Variants in OSBPL9 observed in about 807,000 individuals in gnomAD.
The protein encoded by OSBPL9 is oxysterol-binding protein-related protein 9.
OSBPL9 carries 40 observed loss-of-function variants against 106.6 expected under a neutral mutation model. That is an observed-to-expected ratio of 0.38 (90% CI 0.29 to 0.49). The LOEUF is 0.49. OSBPL9 is among the 20% of genes least tolerant of loss of function. The probability of loss-of-function intolerance (pLI) is 0.97; values close to 1 mark genes in which losing one functional copy is unlikely to be tolerated. For missense variants in OSBPL9, 609 were observed against 887.2 expected (o/e 0.69, Z 3.98); for synonymous variants, 269 against 295.4 (o/e 0.91, Z 0.92).
intron 2 of OSBPL9, among the ~76,000 whole-genome samples, chr1:51,604,559 GA>G (rs1003965953): frequency 4.5e-4 from 66 of 147,822 alleles, no homozygotes; most frequent in African/African-American, 1.3e-3. Context: ...CTGTCTCAAA[GA>G]AAAAAAAAAT....
chr1:51,783,314 A>G (rs528011329), intron 17 of OSBPL9, among the ~76,000 whole-genome samples: 10 of 150,772 alleles, frequency 6.6e-5, no homozygotes, highest in African/African-American at 2.2e-4. Flanking sequence ...AGCTGGGACT[A>G]TGGACATGTG....
chr1:51,747,496 G>C (rs1311395336), intron 6 of OSBPL9, among the ~76,000 whole-genome samples: 1 of 148,144 alleles, frequency 6.8e-6, no homozygotes, highest in African/African-American at 2.5e-5. Context: ...ATTTCTGACA[G>C]CTACTTTGTA....
At chr1:51,525,389 A>G in the OSBPL9 span, among the ~76,000 whole-genome samples, 15 of 152,202 alleles carry the variant, frequency 9.9e-5, no homozygotes, top group African/African-American at 2.2e-4. Flanking sequence ...AAAAGTTAAT[A>G]TATCTCCCCC....
At chr1:51,681,087 A>C (rs1652447467) in intron 3 of OSBPL9, among the ~76,000 whole-genome samples, 1 of 152,158 alleles carries the variant, frequency 6.6e-6, no homozygotes, top group Non-Finnish European at 1.5e-5. Context: ...AGACTTATTC[A>C]TTAACGCTAT....
At chr1:51,570,891 G>A in the OSBPL9 span, among the ~76,000 whole-genome samples, 1 of 151,890 alleles carries the variant, frequency 6.6e-6, no homozygotes, top group African/African-American at 2.4e-5. Flanking sequence ...GCATAATCTC[G>A]GCTCACTGCA....
At chr1:51,555,704 A>G in the OSBPL9 span, among the ~76,000 whole-genome samples, 2 of 151,712 alleles carry the variant, frequency 1.3e-5, no homozygotes, top group African/African-American at 4.8e-5. Flanking sequence ...AGTATCTGAG[A>G]TTACAGGCAT....
At chr1:51,642,670 C>G (rs768296888) in intron 1 of OSBPL9, among the ~76,000 whole-genome samples, 5 of 152,182 alleles carry the variant, frequency 3.3e-5, no homozygotes, top group Non-Finnish European at 7.3e-5. Flanking sequence ...TAACTCCAAC[C>G]CTTTGGCATA....
chr1:51,788,156 A>ACG lies in OSBPL9; in HGVS notation c.*368_*369insGC, dbSNP rs151094369. 4.6e-5 allele frequency: 8 copies of ACG among 174,074 alleles called. No individual in the cohort carries two copies. Among genetic ancestry groups the ACG allele is most frequent in the African/African-American group, 2.2e-4 (7 of 32,096 alleles). The allele number at this position is 174,074 out of a possible 1,614,324, so 10.8% of individuals were successfully genotyped here. ...TTCTTAGTTCATATAATCTCGGGAT[A>ACG]CACACACACACACACATATATATAC... On this transcript the variant is annotated 3_prime_UTR_variant, in exon 24 of 24. Transcript: ENST00000428468.
intron 1 of OSBPL9, among the ~76,000 whole-genome samples, chr1:51,620,484 G>C (rs1333369410): frequency 6.6e-6 from 1 of 152,126 alleles, no homozygotes; most frequent in African/African-American, 2.4e-5. Context: ...TACATAGGTG[G>C]GCTACTTGAC....
intron 2 of OSBPL9, among the ~76,000 whole-genome samples, chr1:51,609,218 T>A (rs757264356): frequency 2.6e-5 from 4 of 152,140 alleles, no homozygotes; most frequent in Non-Finnish European, 5.9e-5. Flanking sequence ...TCTTTTTTCC[T>A]GGTTTCTCTT....
At chr1:51,721,945 T>C (rs1662207818) in intron 4 of OSBPL9, among the ~76,000 whole-genome samples, 1 of 152,260 alleles carries the variant, frequency 6.6e-6, no homozygotes, top group African/African-American at 2.4e-5. Context: ...GCATTTACTA[T>C]GTTTCATGCA....
At chr1:51,691,224 T>C (rs1654874193) in intron 3 of OSBPL9, among the ~76,000 whole-genome samples, 1 of 151,838 alleles carries the variant, frequency 6.6e-6, no homozygotes, top group South Asian at 2.1e-4. Flanking sequence ...TAGATTTATT[T>C]AAAAATTTTT....
chr1:51,724,849 C>A, intron 4 of OSBPL9: 1 of 266,434 alleles, frequency 3.8e-6, no homozygotes, highest in Admixed American at 3.7e-5. Context: ...CTTCCTTTAC[C>A]CTTCTGTGTT....
intron 1 of OSBPL9, among the ~76,000 whole-genome samples, chr1:51,646,486 C>T (rs1392503067): frequency 1.3e-5 from 2 of 152,206 alleles, no homozygotes; most frequent in East Asian, 3.9e-4. Flanking sequence ...TTGGTGAGCT[C>T]ATTTATTAGC....
At chr1:51,707,250 G>C (rs12069786) in intron 3 of OSBPL9, 47,810 of 280,644 alleles carry the variant, frequency 0.17, 5,051 homozygotes, top group Middle Eastern at 0.32. Context: ...GAGGGCAGTG[G>C]TGGCCCCATC....
intron 1 of OSBPL9, among the ~76,000 whole-genome samples, chr1:51,647,456 T>A (rs974569262): frequency 6.6e-6 from 1 of 152,206 alleles, no homozygotes; most frequent in African/African-American, 2.4e-5. Context: ...TTCGCTCTTC[T>A]ATATTTTGGA....
intron 3 of OSBPL9, among the ~76,000 whole-genome samples, chr1:51,682,182 C>T (rs774566213): frequency 6.6e-6 from 1 of 151,630 alleles, no homozygotes; most frequent in Non-Finnish European, 1.5e-5. Context: ...CCAGCCTGGG[C>T]GACAGAGCAA....
chr1:51,722,206 G>A (rs1220037134), intron 4 of OSBPL9, among the ~76,000 whole-genome samples: 1 of 151,886 alleles, frequency 6.6e-6, no homozygotes, highest in Non-Finnish European at 1.5e-5. Flanking sequence ...TAGATAGATA[G>A]AAGTAGTTAG....
At chr1:51,644,736 G>C (rs1410480080) in intron 1 of OSBPL9, among the ~76,000 whole-genome samples, 1 of 152,166 alleles carries the variant, frequency 6.6e-6, no homozygotes, top group Non-Finnish European at 1.5e-5. Context: ...CAAGTCTACT[G>C]ATGAATCATT....
Sources: gnomAD v4.1 joint callset for allele counts (sites outside exome capture counted in the v4.1 genomes callset) on GRCh38, gnomAD v4.1.1 for gene constraint, MANE v1.5 for transcripts, NCBI Gene and HGNC (gene_info 2026-07-23, HGNC 2026-07-21) for gene names.